The following SHISA6 variants were observed in gnomAD, a reference collection of about 807,000 sequenced individuals.
The protein encoded by SHISA6 is shisa family member 6, also known as protein shisa-6.
In SHISA6, 22 loss-of-function variants were observed where a neutral mutation model predicts 47.9. That is an observed-to-expected ratio of 0.46 (90% CI 0.33 to 0.66). SHISA6 has a LOEUF of 0.66. Ranked by LOEUF, SHISA6 falls within the 30% of genes least tolerant of loss-of-function variation. The pLI is 0.02. For missense variants in SHISA6, 680 were observed against 764.6 expected, an observed-to-expected ratio of 0.89 and a Z score of 1.30; for synonymous variants, 388 against 337.8, an observed-to-expected ratio of 1.15 and a Z score of -1.63.
At chr17:11,537,039 A>C (rs537882201) in intron 3 of SHISA6, among the ~76,000 whole-genome samples, 39 of 152,064 alleles carry the variant, frequency 2.6e-4, no homozygotes, top group African/African-American at 9.4e-4. Flanking sequence ...TTTTTAAGTG[A>C]ATCTGGCAGA....
intron 3 of SHISA6, among the ~76,000 whole-genome samples, chr17:11,490,987 C>CTGAA (rs147876964): frequency 0.18 from 27,533 of 152,144 alleles, 2,539 homozygotes; most frequent in Middle Eastern, 0.21. Flanking sequence ...GGGCTCTTGC[C>CTGAA]CAATCTCAGC....
intron 1 of SHISA6, among the ~76,000 whole-genome samples, chr17:11,256,223 G>A (rs1908002176): frequency 6.6e-6 from 1 of 152,150 alleles, no homozygotes; most frequent in Non-Finnish European, 1.5e-5. Context: ...GGCCGGGCAC[G>A]GTGGCTCACA....
At chr17:11,471,967 T>C (rs1473675706) in intron 3 of SHISA6, among the ~76,000 whole-genome samples, 1 of 152,290 alleles carries the variant, frequency 6.6e-6, no homozygotes, top group East Asian at 1.9e-4. Context: ...GTCCATAATT[T>C]ACATGAGGGT....
chr17:11,523,145 A>G (rs1370046414), intron 3 of SHISA6, among the ~76,000 whole-genome samples: 3 of 152,186 alleles, frequency 2.0e-5, no homozygotes, highest in Admixed American at 2.0e-4. Flanking sequence ...GGAACCACCA[A>G]CTAAGCCTCT....
chr17:11,482,514 A>C (rs369937152), intron 3 of SHISA6, among the ~76,000 whole-genome samples: 4 of 152,226 alleles, frequency 2.6e-5, no homozygotes, highest in Non-Finnish European at 4.4e-5. Context: ...CTTTTCTGCC[A>C]AGGAAAAAAA....
chr17:11,243,518 C>T (rs537133633), intron 1 of SHISA6, among the ~76,000 whole-genome samples: 36 of 152,236 alleles, frequency 2.4e-4, no homozygotes, highest in African/African-American at 7.7e-4. Flanking sequence ...AGTAAGTATC[C>T]TCTTGTGTGA....
chr17:11,279,445 T>G, intron 2 of SHISA6, among the ~76,000 whole-genome samples: 1 of 152,098 alleles, frequency 6.6e-6, no homozygotes, highest in East Asian at 1.9e-4. Flanking sequence ...GGAGCTAGGA[T>G]CAGTGTCACA....
intron 2 of SHISA6, among the ~76,000 whole-genome samples, chr17:11,264,764 C>A (rs1209516830): frequency 6.6e-6 from 1 of 152,182 alleles, no homozygotes; most frequent in Non-Finnish European, 1.5e-5. Context: ...ATTTTCCATT[C>A]ATTCTTTAAT....
At chr17:11,369,855 C>A (rs891187712) in intron 2 of SHISA6, among the ~76,000 whole-genome samples, 1 of 152,136 alleles carries the variant, frequency 6.6e-6, no homozygotes, top group South Asian at 2.1e-4. Flanking sequence ...ATAAATGGCG[C>A]GCTGGGGTCC....
chr17:11,495,467 T>C (rs2969200), intron 3 of SHISA6, among the ~76,000 whole-genome samples: 76,420 of 151,812 alleles, frequency 0.5, 19,550 homozygotes, highest in Non-Finnish European at 0.55. Flanking sequence ...GGCCAGCCCA[T>C]GCAGAGGGGC....
intron 2 of SHISA6, among the ~76,000 whole-genome samples, chr17:11,329,561 C>T (rs569725416): frequency 2.0e-5 from 3 of 151,892 alleles, no homozygotes; most frequent in Admixed American, 6.6e-5. Flanking sequence ...AGATGGGTGG[C>T]GGCACAATGC....
intron 2 of SHISA6, among the ~76,000 whole-genome samples, chr17:11,293,603 A>G (rs1909630170): frequency 6.6e-6 from 1 of 152,096 alleles, no homozygotes; most frequent in African/African-American, 2.4e-5. Context: ...GAGCACAGAA[A>G]TTCCCAAATG....
chr17:11,555,722 C>A lies in SHISA6; in HGVS notation c.953-18C>A. 3 of 1,517,272 alleles carry A rather than the reference C, an allele frequency of 2.0e-6. No homozygotes were observed. The highest frequency in any genetic ancestry group is 2.8e-5 in the African/African-American group (2 of 71,678). 94.0% of individuals were successfully genotyped at this position (1,517,272 alleles called of 1,614,324 possible). A position where few individuals can be genotyped will look rare whatever the true frequency, so the allele number is the denominator to read the frequency against. ...CATGGTCCTCATTAATACAAAACAC[C>A]CCTCCCTTTTCTTGCAGAGAAGCCA... On this transcript the variant is annotated intron_variant, in intron 4 of 5. Transcript: ENST00000441885.
rs201284322 is a variant in SHISA6 at position 11,291,566 on chromosome 17, G to A, written c.799+28040G>A. 7.2e-5 allele frequency among the ~76,000 whole-genome samples: 11 copies of A among 152,188 alleles called. No homozygotes were observed. In the East Asian group the frequency reaches 1.2e-3, roughly 16 times the overall value. ...GGAGAATTACTTTAACCCGGGAGGC[G>A]GAGATTGCAGTGAGCCAAGATTGTG... On this transcript the variant is annotated intron_variant, in intron 2 of 5. Transcript: ENST00000441885.
intron 3 of SHISA6, among the ~76,000 whole-genome samples, chr17:11,535,073 AGG>A (rs2071774790): frequency 2.6e-5 from 4 of 152,116 alleles, no homozygotes; most frequent in Non-Finnish European, 5.9e-5. Context: ...GGTTGCGGTG[AGG>A]GTGAGCCAAG....
intron 2 of SHISA6, among the ~76,000 whole-genome samples, chr17:11,304,143 G>A (rs553557802): frequency 7.2e-5 from 11 of 152,310 alleles, no homozygotes; most frequent in African/African-American, 2.4e-4. Context: ...TCCCCAGTGG[G>A]TAACGAGGGC....
rs770061936 is a variant in SHISA6, at chr17:11,491,772, T to TTTTTG, written c.896-60120_896-60119insGTTTT. Among the ~76,000 whole-genome samples, 264 of 121,080 alleles carry TTTTTG rather than the reference T, an allele frequency of 2.2e-3. 6 individuals carry two copies. The highest frequency in any genetic ancestry group is 2.8e-3 in the Non-Finnish European group (156 of 55,908). The allele number at this position is 121,080 out of a possible 152,430, so 79.4% of individuals were successfully genotyped here. A position where few individuals can be genotyped will look rare whatever the true frequency, so the allele number is the denominator to read the frequency against. On this transcript the variant is annotated intron_variant, in intron 3 of 5. Coordinates refer to ENST00000441885, the MANE Select transcript of SHISA6 (RefSeq NM_207386.4). ...ACTGAAAGGGAAGCTGGTGAAGTGT[T>TTTTTG]TTTTTTTTTTTTTTTTTGAGACAGA...
chr17:11,339,205 C>A (rs1174705984), intron 2 of SHISA6, among the ~76,000 whole-genome samples: 2 of 150,384 alleles, frequency 1.3e-5, no homozygotes, highest in Non-Finnish European at 2.9e-5. Flanking sequence ...CACTAAATTG[C>A]CCCTGGCCTG....
intron 2 of SHISA6, among the ~76,000 whole-genome samples, chr17:11,276,528 A>C (rs1285808138): frequency 6.6e-6 from 1 of 152,126 alleles, no homozygotes; most frequent in East Asian, 1.9e-4. Flanking sequence ...TAACGTTGTA[A>C]CATATTTGCT....
Sources: allele counts gnomAD v4.1 joint callset (sites outside exome capture counted in the v4.1 genomes callset), GRCh38; gene constraint gnomAD v4.1.1; transcripts MANE v1.5; gene names NCBI Gene and HGNC (gene_info 2026-07-23, HGNC 2026-07-21).